The following XPO6 variants were observed in gnomAD, a reference collection of about 807,000 sequenced individuals.
XPO6 encodes exportin 6.
A neutral mutation model predicts 130.0 loss-of-function variants in XPO6; 3 were observed. The observed-to-expected ratio is 0.02, with a 90% CI of 0.01 to 0.06. The LOEUF (loss-of-function observed/expected upper bound fraction) is 0.06, where lower values mean the gene tolerates loss of function less well. Among genes scored for constraint, XPO6 ranks in the 10% least tolerant of loss-of-function variants. The probability of loss-of-function intolerance (pLI) is 1.00; values close to 1 mark genes in which losing one functional copy is unlikely to be tolerated. For missense variants in XPO6, 970 were observed against 1,393.0 expected (o/e 0.70, Z 4.83); for synonymous variants, 524 against 548.9 (o/e 0.95, Z 0.63).
chr16:28,102,088 T>C lies in XPO6; in HGVS notation c.2947-143A>G, dbSNP rs535002296. The C allele has an allele frequency of 9.7e-6, 6 of 620,024 alleles. No individual in the cohort carries two copies. In the South Asian group the frequency reaches 1.2e-4, roughly 12 times the overall value. The allele number at this position is 620,024 out of a possible 1,614,324, so 38.4% of individuals were successfully genotyped here. A position where few individuals can be genotyped will look rare whatever the true frequency, so the allele number is the denominator to read the frequency against. On this transcript the variant is annotated intron_variant, in intron 21 of 23. Transcript: ENST00000304658. ...CCACCAGCTCAGACCTCTACGACGC[T>C]CCTCCTAAGTCTCAGAGTTCATGTT...
intron 1 of XPO6, chr16:28,183,451 C>G (rs919810760): frequency 2.1e-5 from 3 of 144,188 alleles, no homozygotes; most frequent in Admixed American, 7.0e-5. Context: ...AAAAAAAAAC[C>G]CAGATGCATT....
At chr16:28,127,622 A>G (rs1019296959) in intron 12 of XPO6, among the ~76,000 whole-genome samples, 3 of 152,208 alleles carry the variant, frequency 2.0e-5, no homozygotes, top group African/African-American at 7.2e-5. Flanking sequence ...GCAGAAAGGA[A>G]GGGTGGACAC....
At chr16:28,115,883 T>G (rs2087041305) in intron 15 of XPO6, among the ~76,000 whole-genome samples, 1 of 152,246 alleles carries the variant, frequency 6.6e-6, no homozygotes, top group South Asian at 2.1e-4. Flanking sequence ...GGAGATGGCT[T>G]CTTTCCTTAA....
chr16:28,108,585 T>C (rs553263748), intron 17 of XPO6, among the ~76,000 whole-genome samples: 24 of 152,248 alleles, frequency 1.6e-4, no homozygotes, highest in African/African-American at 4.8e-4. Context: ...GTCACCCTCT[T>C]AAGATGCAGA....
At chr16:28,159,335 G>GA (rs202167525) in intron 6 of XPO6, among the ~76,000 whole-genome samples, 1,526 of 152,184 alleles carry the variant, frequency 0.01, 32 homozygotes, top group African/African-American at 0.035. Context: ...CCTGTTCCAA[G>GA]AAAAAAATGA....
intron 18 of XPO6, 149 bp downstream of exon 18, chr16:28,107,373 C>T (rs1490940235): frequency 1.1e-6 from 1 of 951,638 alleles, no homozygotes; most frequent in African/African-American, 1.6e-5. Flanking sequence ...AAATAAACAT[C>T]ACTGCCCTTT....
intron 9 of XPO6, among the ~76,000 whole-genome samples, chr16:28,143,803 A>G (rs2042936970): frequency 6.6e-6 from 1 of 151,970 alleles, no homozygotes; most frequent in South Asian, 2.1e-4. Context: ...CGCCCAGCTA[A>G]TTTTTGTGTT....
chr16:28,158,663 G>T (rs572190647), intron 6 of XPO6, among the ~76,000 whole-genome samples: 15 of 152,106 alleles, frequency 9.9e-5, no homozygotes, highest in Non-Finnish European at 1.9e-4. Context: ...CCCAAAATTG[G>T]AGGACCACGG....
intron 1 of XPO6, among the ~76,000 whole-genome samples, chr16:28,201,142 G>GACAACTTCCCTTGCTCAC (rs1421642136): frequency 6.6e-6 from 1 of 152,074 alleles, no homozygotes; most frequent in Non-Finnish European, 1.5e-5. Flanking sequence ...CACTTGTTCT[G>GACAACTTCCCTTGCTCAC]ACAACTTCCC....
In XPO6 at chr16:28,169,782, T is replaced by A; in HGVS notation, c.533A>T (p.Asp178Val). ...TAGCCCAAGCACTGTCTGCACCTGG[T>A]CCAGTAGCAGCTTCCGCAACTCCTC... ...RKEELRKLLLDQVQTVLGLLT... is the reference protein window; with the variant it reads ...RKEELRKLLLVQVQTVLGLLT... The change falls in exon 5 of 24, where the codon GAC becomes GTC. Residue 178 changes from aspartate (D) to valine (V), a missense_variant. By Grantham distance (152) the Asp-to-Val change is radical. Coordinates refer to ENST00000304658, the MANE Select transcript of XPO6 (RefSeq NM_015171.4). 1.9e-6 allele frequency: 3 copies of A among 1,614,002 alleles called. No individual in the cohort carries two copies. Among genetic ancestry groups the A allele is most frequent in the Non-Finnish European group, 2.5e-6 (3 of 1,179,972 alleles).
intron 14 of XPO6, among the ~76,000 whole-genome samples, chr16:28,119,257 G>A (rs1004536799): frequency 2.7e-5 from 4 of 150,884 alleles, no homozygotes; most frequent in African/African-American, 7.3e-5. Flanking sequence ...GGGCTCAAGC[G>A]ATCTTCCCAC....
rs1304082283 is a variant in XPO6 at position 28,132,002 on chromosome 16, C to T, written c.1606+332G>A. Among the ~76,000 whole-genome samples, 2 of 152,172 alleles carry T rather than the reference C, an allele frequency of 1.3e-5. No homozygotes were observed. Among genetic ancestry groups the T allele is most frequent in the African/African-American group, 4.8e-5 (2 of 41,440 alleles). Reference sequence around the variant, plus strand: ...AAAGTGAGCAGGAAGCAAGAAAGCACAAGGCCATGTTCTCCCTAGTACACC... The same window carrying T: ...AAAGTGAGCAGGAAGCAAGAAAGCATAAGGCCATGTTCTCCCTAGTACACC... On this transcript the variant is annotated intron_variant, in intron 12 of 23. Coordinates refer to ENST00000304658, the MANE Select transcript of XPO6 (RefSeq NM_015171.4). The surrounding 1 kb of genome is among the most constrained non-coding windows in gnomAD (Gnocchi z 4.0).
At chr16:28,150,924 G>A (rs906842271) in intron 8 of XPO6, among the ~76,000 whole-genome samples, 5 of 151,886 alleles carry the variant, frequency 3.3e-5, no homozygotes, top group African/African-American at 4.8e-5. Flanking sequence ...ACCTCGGCAC[G>A]GCTCTCCTCA....
intron 14 of XPO6, 54 bp downstream of exon 14, chr16:28,121,616 G>T: frequency 7.7e-7 from 1 of 1,295,180 alleles, no homozygotes; most frequent in South Asian, 1.2e-5. Context: ...ATTATTTGGA[G>T]ATTGGGGGCA....
chr16:28,151,005 C>T lies in XPO6; in HGVS notation c.1224+1654G>A, dbSNP rs141734948. 1.8e-3 allele frequency among the ~76,000 whole-genome samples: 272 copies of T among 152,052 alleles called. 2 individuals are homozygous for T. The highest frequency in any genetic ancestry group is 6.1e-3 in the African/African-American group (251 of 41,478). ...TCAAGTTTTGGCCTTCCCTCCCCTG[C>T]TCCCAGGACTGGCTCATCCTTACCA... On this transcript the variant is annotated intron_variant, in intron 8 of 23. Coordinates refer to ENST00000304658, the MANE Select transcript of XPO6 (RefSeq NM_015171.4).
chr16:28,114,355 C>T (rs2087003282), intron 15 of XPO6, among the ~76,000 whole-genome samples: 1 of 152,158 alleles, frequency 6.6e-6, no homozygotes, highest in Admixed American at 6.5e-5. Flanking sequence ...AGAAAAAAGT[C>T]TGGAAGGATA....
rs2043115542 is a variant in XPO6 at position 28,152,645 on chromosome 16, C to G, written c.1224+14G>C. On this transcript the variant is annotated intron_variant, in intron 8 of 23. Transcript: ENST00000304658. ...CCTTTTCTCTGGAAGGGAAGGATGACTTTGGTGCTTTACCTGATGAAATGT... is the reference window on the plus strand; with the variant it reads ...CCTTTTCTCTGGAAGGGAAGGATGAGTTTGGTGCTTTACCTGATGAAATGT... 5.6e-6 allele frequency: 9 copies of G among 1,603,864 alleles called. No individual in the cohort carries two copies. In the South Asian group the frequency reaches 1.0e-4, roughly 18 times the overall value.
chr16:28,189,130 G>C (rs966439498), intron 1 of XPO6, among the ~76,000 whole-genome samples: 1 of 151,686 alleles, frequency 6.6e-6, no homozygotes, highest in Non-Finnish European at 1.5e-5. Context: ...ATTTTTTGTA[G>C]AGCTGGGGTT....
intron 12 of XPO6, among the ~76,000 whole-genome samples, chr16:28,127,006 G>A (rs1023485434): frequency 6.6e-6 from 1 of 152,028 alleles, no homozygotes; most frequent in Non-Finnish European, 1.5e-5. Flanking sequence ...CCCTCCTCCC[G>A]CTGTGCTCCA....
Sources: allele counts gnomAD v4.1 joint callset (sites outside exome capture counted in the v4.1 genomes callset), GRCh38; gene constraint gnomAD v4.1.1; non-coding constraint Gnocchi (gnomAD v3.1); transcripts MANE v1.5; gene names NCBI Gene and HGNC (gene_info 2026-07-23, HGNC 2026-07-21).